The following CPVL variants were observed in gnomAD, a reference collection of about 807,000 sequenced individuals.
CPVL encodes probable serine carboxypeptidase CPVL.
Under a neutral mutation model 63.7 loss-of-function variants are expected in CPVL, and 51 were observed. The observed-to-expected ratio is 0.80, with a 90% CI of 0.64 to 1.01. The LOEUF is 1.01. Ranked by LOEUF, CPVL falls within the 50% of genes least tolerant of loss-of-function variation. CPVL has a pLI of 0.00. For missense variants in CPVL, 530 were observed against 573.1 expected (o/e 0.92, Z 0.77); for synonymous variants, 195 against 206.0 (o/e 0.95, Z 0.46).
chr7:29,030,524 T>C (rs1787920290), intron 12 of CPVL, 53 bp downstream of exon 12: 1 of 1,548,858 alleles, frequency 6.5e-7, no homozygotes, highest in Non-Finnish European at 8.8e-7. Flanking sequence ...GGCTTTATTT[T>C]CAATCCCGCT....
chr7:29,093,029 T>G (rs1785988887), intron 5 of CPVL, among the ~76,000 whole-genome samples: 1 of 152,112 alleles, frequency 6.6e-6, no homozygotes, highest in South Asian at 2.1e-4. Context: ...CCTGCTACAG[T>G]ATCAAAAGAT....
chr7:29,101,489 G>A (rs1191746351), intron 3 of CPVL, among the ~76,000 whole-genome samples: 2 of 152,166 alleles, frequency 1.3e-5, no homozygotes, highest in Non-Finnish European at 2.9e-5. Flanking sequence ...CAGTTACTTG[G>A]GAGGCTGAGG....
chr7:29,020,974 G>A lies in CPVL; in HGVS notation c.1320+9603C>T, dbSNP rs140457657. Among the ~76,000 whole-genome samples, 432 of 152,182 alleles carry A rather than the reference G, an allele frequency of 2.8e-3. 1 individual carries two copies. Among genetic ancestry groups the A allele is most frequent in the African/African-American group, 9.9e-3 (409 of 41,518 alleles). ...GTGGATCACTTGAGGTCAGGAGTTCGAGAACAGCCTGGCCAACAAGGTGAA... is the reference window on the plus strand; with the variant it reads ...GTGGATCACTTGAGGTCAGGAGTTCAAGAACAGCCTGGCCAACAAGGTGAA... On this transcript the variant is annotated intron_variant, in intron 12 of 12. Coordinates refer to ENST00000265394, the MANE Select transcript of CPVL (RefSeq NM_031311.5).
At chr7:29,150,001 T>C (rs1359277604), upstream of CPVL, among the ~76,000 whole-genome samples, 1 of 152,258 alleles carries the variant, frequency 6.6e-6, no homozygotes, top group Admixed American at 6.5e-5. Flanking sequence ...CCTTCTCTTG[T>C]ATTGAGAATA....
At chr7:28,995,904 A>G in intron 12 of CPVL, 22 bp from the exon 13 acceptor site, 1 of 1,396,298 alleles carries the variant, frequency 7.2e-7, no homozygotes, top group Non-Finnish European at 9.9e-7. Flanking sequence ...AAAGTAAAAG[A>G]ACGGAAATTT....
intron 5 of CPVL, among the ~76,000 whole-genome samples, chr7:29,153,822 G>A (rs1298723495): frequency 2.6e-5 from 4 of 152,132 alleles, no homozygotes; most frequent in East Asian, 1.9e-4. Context: ...TACCTGCCTC[G>A]GCCTCTCTAA....
intron 11 of CPVL, among the ~76,000 whole-genome samples, chr7:29,059,564 G>T (rs160859): frequency 0.067 from 10,151 of 152,204 alleles, 366 homozygotes; most frequent in South Asian, 0.12. Context: ...TAATCAAAGT[G>T]ACACATCACA....
At chr7:29,071,665 CCTTCTTAACAA>C (rs949844855) in intron 9 of CPVL, 97 bp downstream of exon 9, 63 of 1,262,050 alleles carry the variant, frequency 5.0e-5, no homozygotes, top group Middle Eastern at 4.5e-4. Flanking sequence ...AACAGATATA[CCTTCTTAACAA>C]AAAAATGCCT....
chr7:29,151,910 GA>G (rs1793648023), intron 5 of CPVL, among the ~76,000 whole-genome samples: 1 of 152,220 alleles, frequency 6.6e-6, no homozygotes, highest in South Asian at 2.1e-4. Flanking sequence ...CTGGTTGAAG[GA>G]AAGACATTTG....
intron 11 of CPVL, among the ~76,000 whole-genome samples, chr7:29,035,143 T>C (rs1788404393): frequency 6.6e-6 from 1 of 152,114 alleles, no homozygotes; most frequent in Non-Finnish European, 1.5e-5. Context: ...ATCTTTATTA[T>C]TATTAATTCT....
At chr7:29,185,301 A>C (rs1798572362) in intron 3 of CPVL, among the ~76,000 whole-genome samples, 1 of 152,208 alleles carries the variant, frequency 6.6e-6, no homozygotes. Context: ...TTCATTGAGA[A>C]GTGTCTTTTA....
At chr7:29,126,051 C>T (rs751746639) in intron 1 of CPVL, among the ~76,000 whole-genome samples, 2 of 152,210 alleles carry the variant, frequency 1.3e-5, no homozygotes, top group Non-Finnish European at 2.9e-5. Flanking sequence ...AACAATTAAA[C>T]TGTTATTGAA....
At chr7:29,017,285 C>T (rs1458058153) in intron 12 of CPVL, among the ~76,000 whole-genome samples, 3 of 152,208 alleles carry the variant, frequency 2.0e-5, no homozygotes, top group Non-Finnish European at 4.4e-5. Context: ...AAAGCCATAA[C>T]TTTTCTTGAC....
chr7:29,178,143 C>T (rs1161985962), intron 5 of CPVL, among the ~76,000 whole-genome samples: 1 of 152,162 alleles, frequency 6.6e-6, no homozygotes, highest in Non-Finnish European at 1.5e-5. Flanking sequence ...CTGTCCACAC[C>T]ATCAGCCTTT....
At chr7:29,077,657 G>T (rs1784361916) in intron 7 of CPVL, among the ~76,000 whole-genome samples, 1 of 152,146 alleles carries the variant, frequency 6.6e-6, no homozygotes, top group Admixed American at 6.5e-5. Context: ...ATCCCCAGAA[G>T]GCATCAAGGC....
chr7:29,052,993 C>A (rs1790353787), intron 11 of CPVL, among the ~76,000 whole-genome samples: 1 of 152,034 alleles, frequency 6.6e-6, no homozygotes, highest in Non-Finnish European at 1.5e-5. Context: ...AATTAATAGG[C>A]AAAGTATTTG....
At chr7:29,104,372 T>C (rs1418135544) in intron 3 of CPVL, among the ~76,000 whole-genome samples, 4 of 152,198 alleles carry the variant, frequency 2.6e-5, no homozygotes, top group South Asian at 2.1e-4. Context: ...GCGATTCTCC[T>C]GCCTCAGCCT....
At chr7:29,103,210 C>T (rs947683874) in intron 3 of CPVL, among the ~76,000 whole-genome samples, 4 of 130,164 alleles carry the variant, frequency 3.1e-5, no homozygotes, top group Admixed American at 2.7e-4. Context: ...TAAAAACTTG[C>T]CAATTTCAGT....
chr7:29,185,940 C>T (rs185264101), intron 2 of CPVL, among the ~76,000 whole-genome samples: 4 of 152,264 alleles, frequency 2.6e-5, no homozygotes, highest in African/African-American at 4.8e-5. Context: ...TAGGGAAACT[C>T]GCCCATGTGA....
Sources: allele counts gnomAD v4.1 joint callset (sites outside exome capture counted in the v4.1 genomes callset), GRCh38; gene constraint gnomAD v4.1.1; transcripts MANE v1.5; gene names NCBI Gene and HGNC (gene_info 2026-07-23, HGNC 2026-07-21).